Variants in LRRFIP1 observed in about 807,000 individuals in gnomAD.
LRRFIP1 encodes LRR binding FLII interacting protein 1, also known as leucine-rich repeat flightless-interacting protein 1.
A neutral mutation model predicts 104.4 loss-of-function variants in LRRFIP1; 62 were observed. That is an observed-to-expected ratio of 0.59 (90% CI 0.48 to 0.73). The LOEUF is 0.73. Among genes scored for constraint, LRRFIP1 ranks in the 30% least tolerant of loss-of-function variants. The pLI is 0.00. For missense variants in LRRFIP1, 796 were observed against 824.5 expected, an observed-to-expected ratio of 0.97 and a Z score of 0.42; for synonymous variants, 300 against 299.0, an observed-to-expected ratio of 1.00 and a Z score of -0.03.
At chr2:237,725,417 G>A (rs980319084) in intron 7 of LRRFIP1, among the ~76,000 whole-genome samples, 1 of 152,186 alleles carries the variant, frequency 6.6e-6, no homozygotes, top group Admixed American at 6.5e-5. Context: ...TTAATATGCT[G>A]CCTATGGACT....
chr2:237,705,658 T>A (rs1240182710), intron 1 of LRRFIP1, among the ~76,000 whole-genome samples: 4 of 148,344 alleles, frequency 2.7e-5, no homozygotes, highest in African/African-American at 1.0e-4. Flanking sequence ...AGGGAGACCC[T>A]GTCTCCAAAA....
rs1162525494 is a variant in LRRFIP1 at position 237,711,395 on chromosome 2, A to G, written c.183+2765A>G. Among the ~76,000 whole-genome samples the G allele has an allele frequency of 1.3e-5, 2 of 152,220 alleles. No individual in the cohort carries two copies. The highest frequency in any genetic ancestry group is 4.8e-5 in the African/African-American group (2 of 41,456). Reference sequence around the variant, plus strand: ...GTCAAGATATCTCGCCCTGTTGCAAATTCGGCGGAACATCCGCCACTGAGA... The same window carrying G: ...GTCAAGATATCTCGCCCTGTTGCAAGTTCGGCGGAACATCCGCCACTGAGA... On this transcript the variant is annotated intron_variant, in intron 2 of 23. Transcript: ENST00000308482. This position sits in a 1 kb window ranked among gnomAD's most constrained non-coding sequence, Gnocchi z 4.4.
chr2:237,709,431 T>C (rs1249276946), intron 2 of LRRFIP1, among the ~76,000 whole-genome samples: 1 of 152,222 alleles, frequency 6.6e-6, no homozygotes, highest in East Asian at 1.9e-4. Flanking sequence ...GAATTTATTT[T>C]GTTAGACAGA....
rs1207461784 is a variant in LRRFIP1, at chr2:237,668,117, C to T, written c.96+40377C>T. Among the ~76,000 whole-genome samples the T allele has an allele frequency of 3.3e-5, 5 of 152,244 alleles. No homozygotes were observed. In the East Asian group the frequency reaches 9.7e-4, roughly 29 times the overall value. ...CATTTCTCATCCCCCCACCTCAGAGCTGCCTGAGCCGGGGCTCCCCCGAGC... is the reference window on the plus strand; with the variant it reads ...CATTTCTCATCCCCCCACCTCAGAGTTGCCTGAGCCGGGGCTCCCCCGAGC... On this transcript the variant is annotated intron_variant, in intron 1 of 23. Coordinates refer to ENST00000308482, the MANE Select transcript of LRRFIP1 (RefSeq NM_001137550.2).
chr2:237,772,136 A>G lies in LRRFIP1; in HGVS notation c.1565A>G (p.Asn522Ser), dbSNP rs1195365055. ...AGACAGAAGATTGGCAAACTAGACA[A>G]TCTTCGATCTGAAGATGATGTCTTG... is the stretch of plus-strand genomic sequence containing the variant. ...EERQKIGKLD[N>S]LRSEDDVLEN... Residue 522 changes from asparagine (N) to serine (S), a missense_variant, in exon 21 of 24, where the codon AAT (asparagine) becomes AGT (serine). Asn to Ser is a conservative substitution (Grantham distance 46). Coordinates refer to ENST00000308482, the MANE Select transcript of LRRFIP1 (RefSeq NM_001137550.2). 6.8e-6 allele frequency: 11 copies of G among 1,613,896 alleles called. No individual in the cohort carries two copies. Among genetic ancestry groups the G allele is most frequent in the African/African-American group, 2.7e-5 (2 of 74,936 alleles).
chr2:237,643,338 G>A (rs977494674), intron 1 of LRRFIP1, among the ~76,000 whole-genome samples: 3 of 152,212 alleles, frequency 2.0e-5, no homozygotes, highest in Non-Finnish European at 4.4e-5. Flanking sequence ...GGTGGAGCCG[G>A]GCATTTGGGC....
chr2:237,735,249 C>A lies in LRRFIP1; in HGVS notation c.490-19C>A. On this transcript the variant is annotated intron_variant, in intron 9 of 23. Coordinates refer to ENST00000308482, the MANE Select transcript of LRRFIP1 (RefSeq NM_001137550.2). The surrounding 1 kb of genome is among the most constrained non-coding windows in gnomAD (Gnocchi z 4.6). ...GAGAAAGGAAGAGCGCCCATCCTGA[C>A]AGTCTCTTTTGGTCGCAGGCGTCTG... 6.2e-7 allele frequency: 1 copy of A among 1,610,510 alleles called. No individual in the cohort carries two copies. Among genetic ancestry groups the A allele is most frequent in the Non-Finnish European group, 8.5e-7 (1 of 1,177,900 alleles).
At chr2:237,765,082 T>C (rs1457178904) in intron 19 of LRRFIP1, 4 of 544,238 alleles carry the variant, frequency 7.3e-6, no homozygotes, top group Non-Finnish European at 7.0e-6. Flanking sequence ...GCCAACATGG[T>C]GAAACCCTGT....
chr2:237,665,833 T>A (rs1315119643), intron 1 of LRRFIP1, among the ~76,000 whole-genome samples: 2 of 152,228 alleles, frequency 1.3e-5, no homozygotes, highest in Non-Finnish European at 2.9e-5. Context: ...CTGGGGTCGT[T>A]TGTGGAAGGA....
At chr2:237,749,387 T>C in intron 13 of LRRFIP1, 63 bp downstream of exon 13, 2 of 1,320,532 alleles carry the variant, frequency 1.5e-6, no homozygotes, top group South Asian at 1.4e-5. Flanking sequence ...GTCTTTAGAT[T>C]AAAAAAAAAA....
intron 1 of LRRFIP1, among the ~76,000 whole-genome samples, chr2:237,675,647 G>A (rs2091048819): frequency 6.6e-6 from 1 of 152,136 alleles, no homozygotes; most frequent in South Asian, 2.1e-4. Flanking sequence ...GGAAGGAAAT[G>A]AACTTTGTTA....
At chr2:237,755,997 G>T in intron 15 of LRRFIP1, 98 bp from the exon 16 acceptor site, 1 of 670,180 alleles carries the variant, frequency 1.5e-6, no homozygotes, top group Non-Finnish European at 2.6e-6. Context: ...GTAGTAGCAG[G>T]TGATTTGTTC....
At chr2:237,651,700 G>A (rs2085962617) in intron 1 of LRRFIP1, among the ~76,000 whole-genome samples, 1 of 152,154 alleles carries the variant, frequency 6.6e-6, no homozygotes, top group South Asian at 2.1e-4. Context: ...AGCCACATAT[G>A]TAATTTAAAA....
intron 1 of LRRFIP1, among the ~76,000 whole-genome samples, chr2:237,669,335 G>C (rs759621423): frequency 6.6e-6 from 1 of 152,226 alleles, no homozygotes; most frequent in Non-Finnish European, 1.5e-5. Flanking sequence ...TTGTCTGAGA[G>C]TGTCTTGTTC....
At chr2:237,733,268 A>G (rs2095093678) in intron 8 of LRRFIP1, among the ~76,000 whole-genome samples, 1 of 152,180 alleles carries the variant, frequency 6.6e-6, no homozygotes, top group South Asian at 2.1e-4. Flanking sequence ...GGTGCCTCCC[A>G]CACCAGCTGA....
In LRRFIP1 at chr2:237,735,433, C is replaced by G. The variant is rs1471001639; in HGVS notation, c.555+100C>G. The G allele has an allele frequency of 1.1e-5, 13 of 1,135,174 alleles. No homozygotes were observed. The highest frequency in any genetic ancestry group is 1.6e-5 in the Non-Finnish European group (13 of 812,506). The allele number at this position is 1,135,174 out of a possible 1,614,324, so 70.3% of individuals were successfully genotyped here. On this transcript the variant is annotated intron_variant, in intron 10 of 23. Coordinates refer to ENST00000308482, the MANE Select transcript of LRRFIP1 (RefSeq NM_001137550.2). The surrounding 1 kb of genome is among the most constrained non-coding windows in gnomAD (Gnocchi z 4.6). ...CAGCCGTGGGGGGTGACTGGCCATT[C>G]TCAGGAGGAAGCGCCGAGTCACCGG... is the stretch of plus-strand genomic sequence containing the variant.
intron 1 of LRRFIP1, among the ~76,000 whole-genome samples, chr2:237,671,272 T>C (rs2090297105): frequency 6.6e-6 from 1 of 152,178 alleles, no homozygotes; most frequent in South Asian, 2.1e-4. Flanking sequence ...GCCACAGCCA[T>C]ACAGATCTGA....
At chr2:237,697,812 C>T (rs1053986668) in intron 1 of LRRFIP1, among the ~76,000 whole-genome samples, 42 of 152,164 alleles carry the variant, frequency 2.8e-4, no homozygotes, top group African/African-American at 8.9e-4. Flanking sequence ...GAGGCCCAGC[C>T]GCCCTCGCCT....
intron 22 of LRRFIP1, among the ~76,000 whole-genome samples, chr2:237,773,367 G>A (rs1173138798): frequency 6.6e-6 from 1 of 151,932 alleles, no homozygotes; most frequent in Non-Finnish European, 1.5e-5. Context: ...GTGAAACCCC[G>A]TCTCTACTAA....
Sources: gnomAD v4.1 joint callset for allele counts (sites outside exome capture counted in the v4.1 genomes callset) on GRCh38, gnomAD v4.1.1 for gene constraint, Gnocchi (gnomAD v3.1) non-coding constraint, MANE v1.5 for transcripts, NCBI Gene and HGNC (gene_info 2026-07-23, HGNC 2026-07-21) for gene names.